CORO1C: variants seen among roughly 807,000 people sequenced by gnomAD.
CORO1C encodes coronin-1C.
CORO1C carries 14 observed loss-of-function variants against 51.2 expected under a neutral mutation model. That is an observed-to-expected ratio of 0.27 (90% CI 0.18 to 0.43). The LOEUF is 0.43. Among genes scored for constraint, CORO1C ranks in the 20% least tolerant of loss-of-function variants. The pLI is 1.00. For missense variants in CORO1C, 417 were observed against 607.8 expected (o/e 0.69, Z 3.30); for synonymous variants, 181 against 210.5 (o/e 0.86, Z 1.21).
intron 3 of CORO1C, among the ~76,000 whole-genome samples, chr12:108,673,377 G>C (rs897102258): frequency 3.3e-5 from 5 of 152,214 alleles, no homozygotes; most frequent in Non-Finnish European, 5.9e-5. Flanking sequence ...AGCTGCAGAA[G>C]AAAAGTTGGA....
At chr12:108,665,548 T>C (rs1053794421) in intron 3 of CORO1C, among the ~76,000 whole-genome samples, 20 of 149,504 alleles carry the variant, frequency 1.3e-4, no homozygotes, top group African/African-American at 4.3e-4. Context: ...CAAATCCAAG[T>C]GGTGTGATAC....
chr12:108,702,734 C>G, intron 1 of CORO1C: 4 of 1,420,540 alleles, frequency 2.8e-6, no homozygotes, highest in Non-Finnish European at 3.7e-6. Context: ...TTCCCTTCCT[C>G]ATGGCCCTGA....
In CORO1C at chr12:108,648,830, G is replaced by A. The variant is rs576742412; in HGVS notation, c.1080C>T (p.Asp360=). The A allele has an allele frequency of 1.2e-6, 2 of 1,614,228 alleles. No homozygotes were observed. Among genetic ancestry groups the A allele is most frequent in the East Asian group, 2.2e-5 (1 of 44,888 alleles). The change falls in exon 10 of 11, where the codon GAC becomes GAT. Residue 360 remains aspartate, a synonymous_variant. Transcript: ENST00000261401. ...VPRKSDLFQD[D]LYPDTAGPEA... is the part of the protein sequence containing the mutation. ...CTGGCCCCGCTGTGTCAGGATACAG[G>A]TCATCTTGGAAAAGGTCAGACTACA... is the stretch of plus-strand genomic sequence containing the variant.
rs1291659781 is a variant in CORO1C, at chr12:108,646,409, G to C, written c.*994C>G. Reference sequence around the variant, plus strand: ...TCCCCACCACTGTACTCAAGAGCTGGGCAAGCTGCTGAAAAGGGCAAGAAG... The same window carrying C: ...TCCCCACCACTGTACTCAAGAGCTGCGCAAGCTGCTGAAAAGGGCAAGAAG... On this transcript the variant is annotated 3_prime_UTR_variant, in exon 11 of 11. Transcript: ENST00000261401. 1 of 152,194 alleles carries C rather than the reference G, an allele frequency of 6.6e-6. No individual in the cohort carries two copies. The highest frequency in any genetic ancestry group is 6.6e-5 in the Admixed American group (1 of 15,258). 9.4% of individuals were successfully genotyped at this position (152,194 alleles called of 1,614,324 possible). A position where few individuals can be genotyped will look rare whatever the true frequency, so the allele number is the denominator to read the frequency against.
chr12:108,662,748 A>C (rs1469041201), intron 3 of CORO1C, among the ~76,000 whole-genome samples: 1 of 152,210 alleles, frequency 6.6e-6, no homozygotes, highest in African/African-American at 2.4e-5. Context: ...CTATAATTTT[A>C]CACTTGGAAA....
intron 2 of CORO1C, among the ~76,000 whole-genome samples, chr12:108,686,122 A>T (rs1158243292): frequency 6.6e-6 from 1 of 152,228 alleles, no homozygotes; most frequent in Non-Finnish European, 1.5e-5. Context: ...AGGAAACATC[A>T]TTCTGAAAGA....
chr12:108,700,042 A>C (rs1324032039), intron 2 of CORO1C, among the ~76,000 whole-genome samples: 1 of 152,216 alleles, frequency 6.6e-6, no homozygotes, highest in Non-Finnish European at 1.5e-5. Flanking sequence ...AAACATCAAC[A>C]TACAATGGGA....
At chr12:108,672,148 T>C (rs902699653) in intron 3 of CORO1C, among the ~76,000 whole-genome samples, 1 of 152,212 alleles carries the variant, frequency 6.6e-6, no homozygotes, top group Non-Finnish European at 1.5e-5. Context: ...CAGAGAATAT[T>C]GTTCCCACTC....
At chr12:108,685,341 G>GC (rs1178745142) in intron 2 of CORO1C, among the ~76,000 whole-genome samples, 2 of 152,084 alleles carry the variant, frequency 1.3e-5, no homozygotes, top group African/African-American at 2.4e-5. Context: ...CACTGAAAGA[G>GC]CAACTGCCAG....
chr12:108,659,026 G>T, intron 4 of CORO1C, 107 bp from the exon 5 acceptor site: 1 of 1,136,960 alleles, frequency 8.8e-7, no homozygotes, highest in Non-Finnish European at 1.2e-6. Flanking sequence ...TGCAGAGAGA[G>T]AGAGAGAGAA....
rs1319160688 is a variant in CORO1C, at chr12:108,658,412, T to C, written c.630+326A>G. On this transcript the variant is annotated intron_variant, in intron 5 of 10. Transcript: ENST00000261401. The surrounding 1 kb of genome is among the most constrained non-coding windows in gnomAD (Gnocchi z 4.9). ...GAATTGATTCATCAATATTCAATACTAAGCTGCAAAATCAGGAATGCAGCC... is the reference window on the plus strand; with the variant it reads ...GAATTGATTCATCAATATTCAATACCAAGCTGCAAAATCAGGAATGCAGCC... Among the ~76,000 whole-genome samples, 1 of 152,196 alleles carries C rather than the reference T, an allele frequency of 6.6e-6. No individual in the cohort carries two copies. Among genetic ancestry groups the C allele is most frequent in the African/African-American group, 2.4e-5 (1 of 41,446 alleles).
At chr12:108,702,279 C>CG (rs1012787079) in intron 1 of CORO1C, among the ~76,000 whole-genome samples, 8 of 152,112 alleles carry the variant, frequency 5.3e-5, no homozygotes, top group South Asian at 4.2e-4. Flanking sequence ...GGGCTATTGT[C>CG]GGGGGGAAAC....
intron 5 of CORO1C, 127 bp from the exon 6 acceptor site, chr12:108,657,550 G>A (rs970087807): frequency 5.1e-5 from 47 of 925,508 alleles, no homozygotes; most frequent in Non-Finnish European, 7.0e-5. Context: ...AGGGAGGTCA[G>A]TGTTAACCAT....
intron 1 of CORO1C, among the ~76,000 whole-genome samples, chr12:108,703,979 G>A (rs963456763): frequency 2.0e-5 from 3 of 152,168 alleles, no homozygotes; most frequent in Non-Finnish European, 4.4e-5. Flanking sequence ...TCAGCTTTTA[G>A]AACCTCACTT....
At chr12:108,720,712 A>G (rs2136886588) in intron 1 of CORO1C, among the ~76,000 whole-genome samples, 1 of 151,912 alleles carries the variant, frequency 6.6e-6, no homozygotes, top group Admixed American at 6.6e-5. Flanking sequence ...TTTAGTAGAG[A>G]TGGGGTTTCA....
At chr12:108,648,892 G>A (rs776850111) in intron 9 of CORO1C, 42 bp from the exon 10 acceptor site, 14 of 1,612,252 alleles carry the variant, frequency 8.7e-6, no homozygotes, top group South Asian at 2.2e-5. Context: ...GAAGAAGAAA[G>A]GCCTGGGATT....
chr12:108,650,346 T>C (rs2032590492), intron 8 of CORO1C, among the ~76,000 whole-genome samples: 1 of 151,960 alleles, frequency 6.6e-6, no homozygotes, highest in African/African-American at 2.4e-5. Context: ...ACCTGGCTAA[T>C]TTTTTTAATG....
chr12:108,652,055 C>CTTTTTTTTT lies in CORO1C; in HGVS notation c.1001+208_1001+216dup, dbSNP rs202228272. On this transcript the variant is annotated intron_variant, in intron 8 of 10. Coordinates refer to ENST00000261401, the MANE Select transcript of CORO1C (RefSeq NM_014325.4). Reference sequence around the variant, plus strand: ...AAAAAAAGTGAGATTTTTTTCTTTTCTTTTTTTTTTTTTTTTGAGATTTTT... The same window carrying CTTTTTTTTT: ...AAAAAAAGTGAGATTTTTTTCTTTTCTTTTTTTTTTTTTTTTTTTTTTTTTGAGATTTTT... 4.3e-4 allele frequency: 61 copies of CTTTTTTTTT among 142,912 alleles called. 6 individuals carry two copies. Among genetic ancestry groups the CTTTTTTTTT allele is most frequent in the South Asian group, 8.8e-4 (4 of 4,568 alleles). 8.9% of individuals were successfully genotyped at this position (142,912 alleles called of 1,614,324 possible).
intron 3 of CORO1C, among the ~76,000 whole-genome samples, chr12:108,666,020 A>G (rs780892341): frequency 1.3e-5 from 2 of 152,278 alleles, no homozygotes; most frequent in Non-Finnish European, 2.9e-5. Context: ...CTATGCTGGC[A>G]TAAGCCGACC....
Sources: allele counts gnomAD v4.1 joint callset (sites outside exome capture counted in the v4.1 genomes callset), GRCh38; gene constraint gnomAD v4.1.1; non-coding constraint Gnocchi (gnomAD v3.1); transcripts MANE v1.5; gene names NCBI Gene and HGNC (gene_info 2026-07-23, HGNC 2026-07-21).